POMGNT1: variants seen among roughly 807,000 people sequenced by gnomAD.
POMGNT1 encodes protein O-linked mannose N-acetylglucosaminyltransferase 1 (beta 1,2-), also known as protein O-linked-mannose beta-1,2-N-acetylglucosaminyltransferase 1.
POMGNT1 carries 67 observed loss-of-function variants against 95.6 expected under a neutral mutation model. The observed-to-expected ratio is 0.70, with a 90% confidence interval of 0.58 to 0.86. POMGNT1 has a LOEUF of 0.86. Ranked by LOEUF, POMGNT1 falls within the 40% of genes least tolerant of loss-of-function variation. The pLI is 0.00. For missense variants in POMGNT1, 719 were observed against 855.2 expected (o/e 0.84, Z 1.99); for synonymous variants, 298 against 317.9 (o/e 0.94, Z 0.66).
chr1:46,196,392 G>A lies in POMGNT1; in HGVS notation c.355-315C>T, dbSNP rs1055917342. ...ACTGAACCCCTCAAGGTAGGGCCAG[G>A]TCTGATTACTTTCAGGTCCCCAGTG... On this transcript the variant is annotated intron_variant, in intron 4 of 21. Coordinates refer to ENST00000371984, the MANE Select transcript of POMGNT1 (RefSeq NM_017739.4). This position sits in a 1 kb window ranked among gnomAD's most constrained non-coding sequence, Gnocchi z 4.4. Among the ~76,000 whole-genome samples, 8 of 152,202 alleles carry A rather than the reference G, an allele frequency of 5.3e-5. No homozygotes were observed. The highest frequency in any genetic ancestry group is 3.3e-4 in the Admixed American group (5 of 15,286).
intron 1 of POMGNT1, among the ~76,000 whole-genome samples, chr1:46,210,880 T>C (rs972923004): frequency 2.6e-5 from 4 of 151,408 alleles, no homozygotes; most frequent in Admixed American, 2.0e-4. Context: ...GCTCAATCAA[T>C]CCTCCCAGTT....
Position 46,190,872 on chromosome 1 carries a change from C to T in POMGNT1, c.1540-88G>A, listed in dbSNP as rs1281454977. ...ACCAGCCAGACATCTATAAGACACA[C>T]AAATGAAGTCCTAGACCTGTAAAGA... On this transcript the variant is annotated intron_variant, in intron 17 of 21. Transcript: ENST00000371984. 4 of 1,248,980 alleles carry T rather than the reference C, an allele frequency of 3.2e-6. No individual in the cohort carries two copies. In the African/African-American group the frequency reaches 4.4e-5, roughly 14 times the overall value. 77.4% of individuals were successfully genotyped at this position (1,248,980 alleles called of 1,614,324 possible).
Position 46,195,235 on chromosome 1 carries a change from C to T in POMGNT1, c.535-274G>A, listed in dbSNP as rs181809931. 2.0e-5 allele frequency among the ~76,000 whole-genome samples: 3 copies of T among 152,322 alleles called. No individual in the cohort carries two copies. The East Asian group carries it at 5.8e-4, about 29-fold the overall frequency. ...CTTCTTTTCCAACCACTCTCCTACT[C>T]TCCTCCCTTATTCTGCTCCACCTCG... On this transcript the variant is annotated intron_variant, in intron 6 of 21. Transcript: ENST00000371984.
chr1:46,188,817 C>G lies in POMGNT1; in HGVS notation c.*453G>C. On this transcript the variant is annotated 3_prime_UTR_variant, in exon 22 of 22. Transcript: ENST00000371984. ...TGAGTCTGTGTCAGCATGTGGGCCC[C>G]AGCTGGGCCTGTCCATGGGTTGGGC... The G allele has an allele frequency of 6.2e-7, 1 of 1,612,898 alleles. No homozygotes were observed. The highest frequency in any genetic ancestry group is 8.5e-7 in the Non-Finnish European group (1 of 1,179,892).
In POMGNT1 at chr1:46,196,176, TCCTG is replaced by T; in HGVS notation, c.355-103_355-100del. ...AACACCAGCTGCTTGAAACATCACC[TCCTG>T]CCTATGTTTCTGTTCACACAGTTCT... is the stretch of plus-strand genomic sequence containing the variant. On this transcript the variant is annotated intron_variant, in intron 4 of 21. Transcript: ENST00000371984. The surrounding 1 kb of genome is among the most constrained non-coding windows in gnomAD (Gnocchi z 4.4). 2.5e-6 allele frequency: 4 copies of T among 1,586,194 alleles called. No individual in the cohort carries two copies. The highest frequency in any genetic ancestry group is 3.4e-6 in the Non-Finnish European group (4 of 1,168,936).
chr1:46,194,223 C>T (rs1045685473), intron 9 of POMGNT1, 51 bp downstream of exon 9: 5 of 1,614,082 alleles, frequency 3.1e-6, no homozygotes, highest in Non-Finnish European at 4.2e-6. Flanking sequence ...TGGGGCCCCC[C>T]TGCTGAGCTG....
At chr1:46,190,539 G>T (rs772695022) in intron 18 of POMGNT1, 22 bp from the exon 19 acceptor site, 2 of 1,592,404 alleles carry the variant, frequency 1.3e-6, no homozygotes, top group Non-Finnish European at 8.6e-7. Context: ...GGAGAAATGG[G>T]TCAGGGGAGT....
At chr1:46,191,743 T>G (rs2148180939) in intron 17 of POMGNT1, 1 of 350,778 alleles carries the variant, frequency 2.9e-6, no homozygotes, top group African/African-American at 2.1e-5. Context: ...CACGCCATTC[T>G]CCTGCCTCAG....
chr1:46,203,310 G>T (rs909073517), upstream of POMGNT1: 19 of 757,572 alleles, frequency 2.5e-5, no homozygotes, highest in Middle Eastern at 4.2e-4. Context: ...TCCCGCCCCC[G>T]CGCCGCGCGG....
Position 46,190,846 on chromosome 1 carries a change from G to T in POMGNT1, c.1540-62C>A. On this transcript the variant is annotated intron_variant, in intron 17 of 21. Transcript: ENST00000371984. ...ATTGTCTGGCCCACACCCACTTGCT[G>T]ACCAGCCAGACATCTATAAGACACA... 2.1e-6 allele frequency: 3 copies of T among 1,440,684 alleles called. No individual in the cohort carries two copies. The South Asian group carries it at 3.4e-5, about 17-fold the overall frequency. 89.2% of individuals were successfully genotyped at this position (1,440,684 alleles called of 1,614,324 possible).
chr1:46,203,004 A>G (rs997193847), upstream of POMGNT1, among the ~76,000 whole-genome samples: 3 of 144,536 alleles, frequency 2.1e-5, no homozygotes, highest in Non-Finnish European at 3.0e-5. Context: ...CCTCTGCTCC[A>G]GGAAGACTTC....
At position 46,192,091 on chromosome 1, in the gene POMGNT1, C is replaced by T; in HGVS notation, c.1539+7G>A. ...ACACTGTGCCCTGCTCCCTGCCTCC[C>T]ACTCACGTGAAAGTAGCCATTCATG... On this transcript the variant is annotated splice_region_variant and intron_variant, in intron 17 of 21. Coordinates refer to ENST00000371984, the MANE Select transcript of POMGNT1 (RefSeq NM_017739.4). 1 of 1,613,272 alleles carries T rather than the reference C, an allele frequency of 6.2e-7. No homozygotes were observed. Among genetic ancestry groups the T allele is most frequent in the Non-Finnish European group, 8.5e-7 (1 of 1,179,202 alleles).
upstream of POMGNT1, chr1:46,203,403 A>C: frequency 2.8e-6 from 4 of 1,437,666 alleles, no homozygotes; most frequent in African/African-American, 1.5e-5. Flanking sequence ...CCGGTCGCCC[A>C]GCCCTTTTCA....
At chr1:46,213,077 G>A (rs1032160901) in intron 1 of POMGNT1, among the ~76,000 whole-genome samples, 35 of 151,940 alleles carry the variant, frequency 2.3e-4, no homozygotes, top group Admixed American at 2.0e-4. Context: ...GACTACATAT[G>A]TCAAATAAAC....
intron 1 of POMGNT1, among the ~76,000 whole-genome samples, chr1:46,214,745 A>T (rs902033367): frequency 6.6e-6 from 1 of 151,934 alleles, no homozygotes; most frequent in East Asian, 1.9e-4. Flanking sequence ...AGACACCTGT[A>T]ATTCCAGTTA....
upstream of POMGNT1, among the ~76,000 whole-genome samples, chr1:46,202,108 GA>G (rs572883655): frequency 1.1e-3 from 149 of 136,534 alleles, 1 homozygote; most frequent in Middle Eastern, 0.036. Flanking sequence ...AACACCAAAA[GA>G]AAAAAAAAAA....
In POMGNT1 at chr1:46,192,128, G is replaced by A. The variant is rs370215834; in HGVS notation, c.1509C>T (p.Ile503=). Residue 503 remains isoleucine (I), a synonymous_variant, in exon 17 of 22, where the codon ATC becomes ATT. Transcript: ENST00000371984. ...AGTAGCCATTCATGTTGAGGCCGAC[G>A]ATGCCAAAGTGGTAGGATCGGGAAA... The part of the protein sequence containing the change: ...PDVSRSYHFG[I]VGLNMNGYFH... 9.3e-6 allele frequency: 15 copies of A among 1,614,020 alleles called. No individual in the cohort carries two copies. The highest frequency in any genetic ancestry group is 4.0e-5 in the African/African-American group (3 of 74,912).
chr1:46,198,634 G>T (rs1408010154), upstream of POMGNT1, among the ~76,000 whole-genome samples: 1 of 152,182 alleles, frequency 6.6e-6, no homozygotes, highest in Non-Finnish European at 1.5e-5. Context: ...GGCTGGTGGG[G>T]CTGCCTGCAC....
chr1:46,194,992 C>T, intron 6 of POMGNT1, 31 bp from the exon 7 acceptor site: 2 of 1,606,886 alleles, frequency 1.2e-6, no homozygotes, highest in Non-Finnish European at 1.7e-6. Flanking sequence ...GTTAGCCTGA[C>T]TGGCATGGTT....
Sources: gnomAD v4.1 joint callset for allele counts (sites outside exome capture counted in the v4.1 genomes callset) on GRCh38, gnomAD v4.1.1 for gene constraint, Gnocchi (gnomAD v3.1) non-coding constraint, MANE v1.5 for transcripts, NCBI Gene and HGNC (gene_info 2026-07-23, HGNC 2026-07-21) for gene names.